The following DLGAP4 variants were observed in gnomAD, a reference collection of about 807,000 sequenced individuals.
DLGAP4 encodes DLG associated protein 4, also known as disks large-associated protein 4.
DLGAP4 carries 18 observed loss-of-function variants against 86.9 expected under a neutral mutation model. The ratio of observed to expected loss-of-function variants is 0.21; its 90% CI spans 0.14 to 0.31. DLGAP4 has a LOEUF of 0.31. DLGAP4 is among the 10% of genes least tolerant of loss of function. The pLI, the probability that DLGAP4 is intolerant of heterozygous loss-of-function variation, is 1.00. For synonymous variants in DLGAP4, 548 were observed against 574.3 expected, an observed-to-expected ratio of 0.95 and a Z score of 0.65; for missense variants, 1,085 against 1,362.6, an observed-to-expected ratio of 0.80 and a Z score of 3.21.
intron 7 of DLGAP4, among the ~76,000 whole-genome samples, chr20:36,467,457 G>T (rs547577948): frequency 6.6e-6 from 1 of 152,224 alleles, no homozygotes; most frequent in Non-Finnish European, 1.5e-5. Context: ...GAGCCAGGAG[G>T]TTGTAGGCAG....
In DLGAP4 at chr20:36,524,827, G is replaced by A. The variant is rs529931717; in HGVS notation, c.2604+486G>A. 6.6e-5 allele frequency among the ~76,000 whole-genome samples: 10 copies of A among 152,040 alleles called. No homozygotes were observed. The South Asian group carries it at 1.2e-3, about 19-fold the overall frequency. Reference sequence around the variant, plus strand: ...TGAGGCAGGAGAATCGCCTGAACCCGGGAGACAGAGGTTGTGGTGAGCCGA... The same window carrying A: ...TGAGGCAGGAGAATCGCCTGAACCCAGGAGACAGAGGTTGTGGTGAGCCGA... On this transcript the variant is annotated intron_variant, in intron 11 of 12. Transcript: ENST00000339266.
chr20:36,317,249 TTCTTTCTTTC>T (rs2065111617), intron 1 of DLGAP4, among the ~76,000 whole-genome samples: 1 of 56,012 alleles, frequency 1.8e-5, no homozygotes, highest in Non-Finnish European at 3.1e-5. Context: ...CTTTCTTTCT[TTCTTTCTTTC>T]TTTCTTTCTT....
chr20:36,317,341 T>C (rs2065118750), intron 1 of DLGAP4, among the ~76,000 whole-genome samples: 1 of 149,244 alleles, frequency 6.7e-6, no homozygotes, highest in Non-Finnish European at 1.5e-5. Flanking sequence ...CTTTCTCTCT[T>C]TCTTTCCTTC....
chr20:36,476,973 G>T (rs568532557), intron 7 of DLGAP4, among the ~76,000 whole-genome samples: 25 of 148,904 alleles, frequency 1.7e-4, no homozygotes, highest in Non-Finnish European at 3.4e-4. Context: ...GATTACAGGC[G>T]TGAGCTACCA....
intron 10 of DLGAP4, among the ~76,000 whole-genome samples, chr20:36,520,127 G>A (rs540151963): frequency 2.6e-5 from 4 of 152,176 alleles, no homozygotes; most frequent in African/African-American, 7.2e-5. Flanking sequence ...TGGTTTTGAT[G>A]TGCAGTTCCC....
intron 2 of DLGAP4, among the ~76,000 whole-genome samples, chr20:36,378,891 C>T (rs1333643653): frequency 6.6e-6 from 1 of 152,072 alleles, no homozygotes; most frequent in Non-Finnish European, 1.5e-5. Context: ...GAGCTTCATT[C>T]AGCACCTCCT....
Position 36,439,867 on chromosome 20 carries a change from A to G in DLGAP4, c.1355A>G (p.Gln452Arg), listed in dbSNP as rs1353218997. The part of the protein sequence containing the change: ...DSLNDSSCIS[Q>R]IFGQASLIPQ... ...CTCAACGACTCCAGCTGCATCAGCCAGGTGAGGGTGGCAGGGAGGCTGGAG... is the reference window on the plus strand; with the variant it reads ...CTCAACGACTCCAGCTGCATCAGCCGGGTGAGGGTGGCAGGGAGGCTGGAG... The change falls in exon 5 of 13, where the codon CAG (glutamine) becomes CGG (arginine). Residue 452 changes from glutamine (Q) to arginine (R), a missense_variant and splice_region_variant. By Grantham distance (43) the Gln-to-Arg change is conservative (BLOSUM62 1). This residue lies in a region of DLGAP4 where 1,082 missense variants were observed against 1,344.1 expected (regional missense o/e 0.81). Transcript: ENST00000339266. The G allele has an allele frequency of 6.2e-7, 1 of 1,612,590 alleles. No homozygotes were observed. The highest frequency in any genetic ancestry group is 2.2e-5 in the East Asian group (1 of 44,870).
At chr20:36,476,706 T>TTTG (rs2034952975) in intron 7 of DLGAP4, among the ~76,000 whole-genome samples, 6 of 100,704 alleles carry the variant, frequency 6.0e-5, no homozygotes, top group South Asian at 3.1e-4. Flanking sequence ...TTTTTTTTGG[T>TTTG]TTTTTTTTTT....
rs546605155 is a variant in DLGAP4 at position 36,325,717 on chromosome 20, T to A, written c.-304+19205T>A. On this transcript the variant is annotated intron_variant, in intron 1 of 12. Transcript: ENST00000339266. The stretch of plus-strand genomic sequence containing the variant: ...AGTGATTTTATAATATTACAAAATA[T>A]ACTTTTTTTTTTTTTTTGAGACTGA... Among the ~76,000 whole-genome samples, 467 of 150,326 alleles carry A rather than the reference T, an allele frequency of 3.1e-3. 3 individuals are homozygous for A. Among genetic ancestry groups the A allele is most frequent in the African/African-American group, 0.011 (455 of 39,892 alleles).
intron 1 of DLGAP4, among the ~76,000 whole-genome samples, chr20:36,339,621 T>C (rs2065357048): frequency 1.3e-5 from 2 of 152,366 alleles, no homozygotes; most frequent in South Asian, 4.1e-4. Context: ...ACGCTGGGAC[T>C]GCAGGCCTGA....
At chr20:36,313,791 T>C (rs951393857) in intron 1 of DLGAP4, among the ~76,000 whole-genome samples, 30 of 152,126 alleles carry the variant, frequency 2.0e-4, no homozygotes, top group African/African-American at 6.3e-4. Flanking sequence ...TGAACCCAGG[T>C]GTGTGTGATT....
chr20:36,317,105 G>A (rs918438057), intron 1 of DLGAP4, among the ~76,000 whole-genome samples: 4 of 152,128 alleles, frequency 2.6e-5, no homozygotes, highest in Non-Finnish European at 5.9e-5. Context: ...GACTATTCTA[G>A]GCACTAGGGA....
chr20:36,413,707 C>G (rs1309373415), intron 2 of DLGAP4, among the ~76,000 whole-genome samples: 1 of 152,114 alleles, frequency 6.6e-6, no homozygotes, highest in African/African-American at 2.4e-5. Context: ...GCATAAGCCA[C>G]CGCGCCCGGC....
At chr20:36,382,678 T>A (rs1315269020) in intron 2 of DLGAP4, among the ~76,000 whole-genome samples, 1 of 151,722 alleles carries the variant, frequency 6.6e-6, no homozygotes, top group Non-Finnish European at 1.5e-5. Flanking sequence ...TACAGGTGTG[T>A]GCCACCACAC....
chr20:36,524,625 C>T (rs572374719), intron 11 of DLGAP4, among the ~76,000 whole-genome samples: 90 of 152,260 alleles, frequency 5.9e-4, no homozygotes, highest in African/African-American at 1.9e-3. Context: ...CTGTATCGGC[C>T]GGGCACAGTG....
intron 11 of DLGAP4, among the ~76,000 whole-genome samples, chr20:36,525,254 A>AAAAAAAAAAAAAAAG (rs1569527332): frequency 1.6e-5 from 1 of 62,464 alleles, no homozygotes; most frequent in Non-Finnish European, 4.7e-5. Flanking sequence ...AAAAAAAAAA[A>AAAAAAAAAAAAAAAG]CAAAGAAATC....
chr20:36,365,473 A>G (rs1266954350), intron 1 of DLGAP4, among the ~76,000 whole-genome samples: 1 of 152,200 alleles, frequency 6.6e-6, no homozygotes, highest in Non-Finnish European at 1.5e-5. Flanking sequence ...ACTTTTATTC[A>G]GGTGGCTATG....
intron 7 of DLGAP4, among the ~76,000 whole-genome samples, chr20:36,494,155 C>A (rs973209137): frequency 6.6e-6 from 1 of 152,154 alleles, no homozygotes; most frequent in African/African-American, 2.4e-5. Flanking sequence ...TTCTCAAGGC[C>A]TGAGCAGGAC....
chr20:36,453,994 G>A (rs1260983472), intron 7 of DLGAP4, among the ~76,000 whole-genome samples: 1 of 150,208 alleles, frequency 6.7e-6, no homozygotes, highest in East Asian at 2.0e-4. Context: ...AAAGAGTCCG[G>A]GCACAGTGGC....
Sources: gnomAD v4.1 joint callset for allele counts (sites outside exome capture counted in the v4.1 genomes callset) on GRCh38, gnomAD v4.1.1 for gene constraint, gnomAD v4.1.1 regional missense constraint, MANE v1.5 for transcripts, NCBI Gene and HGNC (gene_info 2026-07-23, HGNC 2026-07-21) for gene names.